PLXNC1: variants seen among roughly 807,000 people sequenced by gnomAD.
PLXNC1 encodes the protein plexin C1, also known as plexin-C1.
A neutral mutation model predicts 178.2 loss-of-function variants in PLXNC1; 75 were observed. The ratio of observed to expected loss-of-function variants is 0.42; its 90% CI spans 0.35 to 0.51. PLXNC1 has a LOEUF of 0.51. Among genes scored for constraint, PLXNC1 ranks in the 20% least tolerant of loss-of-function variants. The pLI is 0.02. For missense variants in PLXNC1, 1,503 were observed against 1,984.4 expected (o/e 0.76, Z 4.61); for synonymous variants, 790 against 779.9 (o/e 1.01, Z -0.22).
At chr12:94,248,716 A>C (rs1407102275) in intron 14 of PLXNC1, among the ~76,000 whole-genome samples, 1 of 152,068 alleles carries the variant, frequency 6.6e-6, no homozygotes, top group Non-Finnish European at 1.5e-5. Context: ...AAATCTCTAG[A>C]CCCATTGACA....
intron 1 of PLXNC1, among the ~76,000 whole-genome samples, chr12:94,152,341 C>T (rs1023798852): frequency 3.3e-5 from 5 of 152,184 alleles, no homozygotes; most frequent in Non-Finnish European, 7.3e-5. Context: ...AGAGAAGATA[C>T]TCAATTCAAC....
At chr12:94,186,650 C>T (rs537343282) in intron 4 of PLXNC1, 177 bp downstream of exon 4, 6 of 545,108 alleles carry the variant, frequency 1.1e-5, no homozygotes, top group African/African-American at 5.7e-5. Flanking sequence ...CAGCGGCGTC[C>T]GTGCTATGCA....
rs112749003 is a variant in PLXNC1 at position 94,171,245 on chromosome 12, G to T, written c.1203+1952G>T. On this transcript the variant is annotated intron_variant, in intron 2 of 30. Transcript: ENST00000258526. ...GCAGCTTCATGCTGCTGAGGAGGCC[G>T]CAGCCGACCGAAGTCTCGCTCTCCT... is the stretch of plus-strand genomic sequence containing the variant. Among the ~76,000 whole-genome samples, 921 of 152,302 alleles carry T rather than the reference G, an allele frequency of 6.0e-3. 10 individuals are homozygous for T. Among genetic ancestry groups the T allele is most frequent in the African/African-American group, 0.021 (876 of 41,566 alleles).
intron 28 of PLXNC1, 121 bp from the exon 29 acceptor site, chr12:94,303,635 G>C (rs553841626): frequency 1.3e-6 from 1 of 793,302 alleles, no homozygotes; most frequent in Non-Finnish European, 1.9e-6. Flanking sequence ...GTTAGCAAGA[G>C]GTAAAACTGG....
At chr12:94,251,681 C>T (rs769761617) in intron 15 of PLXNC1, among the ~76,000 whole-genome samples, 153 bp downstream of exon 15, 4 of 152,190 alleles carry the variant, frequency 2.6e-5, no homozygotes, top group Non-Finnish European at 4.4e-5. Context: ...AATAGGTACA[C>T]GCTGAGGGCT....
intron 1 of PLXNC1, among the ~76,000 whole-genome samples, chr12:94,161,567 A>G (rs1211953061): frequency 2.0e-5 from 3 of 152,230 alleles, no homozygotes; most frequent in Admixed American, 6.5e-5. Flanking sequence ...CATTTGAATC[A>G]TGGGAAAGGA....
At chr12:94,241,220 T>A (rs1156747022) in intron 11 of PLXNC1, among the ~76,000 whole-genome samples, 1 of 152,208 alleles carries the variant, frequency 6.6e-6, no homozygotes, top group Non-Finnish European at 1.5e-5. Context: ...TTTTTGCATT[T>A]TCATGGGTAC....
Position 94,254,829 on chromosome 12 carries a change from G to A in PLXNC1, c.2924G>A (p.Arg975His), listed in dbSNP as rs775701889. The change falls in exon 16 of 31, where the codon CGC (arginine) becomes CAC (histidine). Residue 975 changes from arginine (R) to histidine (H), a missense_variant. By Grantham distance (29) the Arg-to-His change is conservative. Transcript: ENST00000258526. ...AGGCACAAATCGAAGGAGCTGAGTC[G>A]CAAACAGAGTCAACAACTAGAATTG... ...VTRHKSKELS[R>H]KQSQQLELLE... The A allele has an allele frequency of 1.7e-5, 27 of 1,611,146 alleles. No individual in the cohort carries two copies. The highest frequency in any genetic ancestry group is 2.3e-5 in the Non-Finnish European group (27 of 1,179,366).
At chr12:94,235,349 T>C (rs992577034) in intron 9 of PLXNC1, among the ~76,000 whole-genome samples, 2 of 152,224 alleles carry the variant, frequency 1.3e-5, no homozygotes, top group Non-Finnish European at 2.9e-5. Context: ...TTTTTTACAT[T>C]AGTTGTAAGG....
At chr12:94,298,042 T>A (rs1479924668) in intron 26 of PLXNC1, among the ~76,000 whole-genome samples, 4 of 152,152 alleles carry the variant, frequency 2.6e-5, no homozygotes, top group Admixed American at 2.0e-4. Flanking sequence ...CCCAGGAACT[T>A]GATGGGCATG....
chr12:94,190,019 G>A (rs1428609259), intron 4 of PLXNC1, among the ~76,000 whole-genome samples: 2 of 152,162 alleles, frequency 1.3e-5, no homozygotes, highest in Non-Finnish European at 2.9e-5. Flanking sequence ...TGAAGCTGGG[G>A]AGGAAGTGTT....
intron 4 of PLXNC1, 144 bp from the exon 5 acceptor site, chr12:94,209,446 C>T (rs945190965): frequency 1.8e-5 from 11 of 618,412 alleles, no homozygotes; most frequent in African/African-American, 1.7e-4. Context: ...TTCCTATTCT[C>T]GCTCAAATCA....
chr12:94,195,841 T>C (rs575454568), intron 4 of PLXNC1, among the ~76,000 whole-genome samples: 1 of 152,158 alleles, frequency 6.6e-6, no homozygotes, highest in Non-Finnish European at 1.5e-5. Flanking sequence ...AACAGAAGGG[T>C]ATTTTTAACA....
chr12:94,242,020 A>G (rs1964402857), intron 11 of PLXNC1, among the ~76,000 whole-genome samples: 1 of 151,840 alleles, frequency 6.6e-6, no homozygotes, highest in African/African-American at 2.4e-5. Context: ...GGAGGGGAAG[A>G]GAAAGAGGAA....
At chr12:94,246,759 G>A (rs1964539618) in intron 12 of PLXNC1, among the ~76,000 whole-genome samples, 1 of 152,152 alleles carries the variant, frequency 6.6e-6, no homozygotes, top group African/African-American at 2.4e-5. Context: ...ATGTGAGCAG[G>A]AGATTCAGGG....
chr12:94,177,199 AC>A (rs1962114810), intron 2 of PLXNC1, among the ~76,000 whole-genome samples: 2 of 26,038 alleles, frequency 7.7e-5, no homozygotes, highest in South Asian at 1.0e-3. Flanking sequence ...ATATATATAT[AC>A]GTATATATAT....
At chr12:94,295,024 T>A (rs541864042) in intron 24 of PLXNC1, among the ~76,000 whole-genome samples, 2 of 152,202 alleles carry the variant, frequency 1.3e-5, no homozygotes, top group South Asian at 4.1e-4. Flanking sequence ...GGAACTTTTA[T>A]GGGAAAGTCA....
intron 4 of PLXNC1, among the ~76,000 whole-genome samples, chr12:94,202,747 G>A (rs1963178402): frequency 6.6e-6 from 1 of 152,206 alleles, no homozygotes; most frequent in African/African-American, 2.4e-5. Flanking sequence ...AGATACCAGG[G>A]ATGGGTGTTT....
At chr12:94,232,758 T>C (rs1168164311) in intron 9 of PLXNC1, among the ~76,000 whole-genome samples, 1 of 152,180 alleles carries the variant, frequency 6.6e-6, no homozygotes, top group African/African-American at 2.4e-5. Context: ...AAATGAACAG[T>C]GGTAGCTAAG....
Sources: allele counts gnomAD v4.1 joint callset (sites outside exome capture counted in the v4.1 genomes callset), GRCh38; gene constraint gnomAD v4.1.1; transcripts MANE v1.5; gene names NCBI Gene and HGNC (gene_info 2026-07-23, HGNC 2026-07-21).